The following PGGT1B variants were observed in gnomAD, a reference collection of about 807,000 sequenced individuals.
The protein encoded by PGGT1B is geranylgeranyl transferase type-1 subunit beta.
Under a neutral mutation model 46.1 loss-of-function variants are expected in PGGT1B, and 30 were observed. The ratio of observed to expected loss-of-function variants is 0.65; its 90% CI spans 0.49 to 0.88. The LOEUF is 0.88. PGGT1B is among the 40% of genes least tolerant of loss of function. The probability of loss-of-function intolerance (pLI) is 0.00; values close to 1 mark genes in which losing one functional copy is unlikely to be tolerated. For missense variants in PGGT1B, 376 were observed against 455.9 expected, an observed-to-expected ratio of 0.82 and a Z score of 1.60; for synonymous variants, 170 against 160.0, an observed-to-expected ratio of 1.06 and a Z score of -0.47.
rs72813818 is a variant in PGGT1B, at chr5:115,211,909, T to A, written c.*493A>T. 6.5e-6 allele frequency: 1 copy of A among 154,470 alleles called. No homozygotes were observed. Among genetic ancestry groups the A allele is most frequent in the Non-Finnish European group, 1.4e-5 (1 of 69,270 alleles). The allele number at this position is 154,470 out of a possible 1,614,324, so 9.6% of individuals were successfully genotyped here. A position where few individuals can be genotyped will look rare whatever the true frequency, so the allele number is the denominator to read the frequency against. On this transcript the variant is annotated 3_prime_UTR_variant, in exon 9 of 9. Coordinates refer to ENST00000419445, the MANE Select transcript of PGGT1B (RefSeq NM_005023.4). The stretch of plus-strand genomic sequence containing the variant: ...AGAATAAGACAAAATAAGTCACTCT[T>A]CTTTAAAAAAAATTATGGTCATCTG...
rs1038177104 is a variant in PGGT1B at position 115,208,553 on chromosome 5, G to C, written c.*3849C>G. ...AATAGTCAATTTAAACAAATTTCCT[G>C]TTTTACTATTTCCCCCTTGTCATTT... On this transcript the variant is annotated 3_prime_UTR_variant, in exon 9 of 9. Coordinates refer to ENST00000419445, the MANE Select transcript of PGGT1B (RefSeq NM_005023.4). The C allele has an allele frequency of 7.2e-5, 11 of 151,938 alleles. No individual in the cohort carries two copies. Among genetic ancestry groups the C allele is most frequent in the African/African-American group, 2.7e-4 (11 of 41,402 alleles). 9.4% of individuals were successfully genotyped at this position (151,938 alleles called of 1,614,324 possible). A position where few individuals can be genotyped will look rare whatever the true frequency, so the allele number is the denominator to read the frequency against.
intron 7 of PGGT1B, 100 bp downstream of exon 7, chr5:115,221,724 A>T (rs1756595630): frequency 1.6e-6 from 1 of 643,260 alleles, no homozygotes; most frequent in Non-Finnish European, 2.5e-6. Flanking sequence ...AGTAGCCTAA[A>T]CCTAACAATA....
At chr5:115,242,736 G>T (rs1281298949) in intron 2 of PGGT1B, among the ~76,000 whole-genome samples, 4 of 152,176 alleles carry the variant, frequency 2.6e-5, no homozygotes. Flanking sequence ...GGAGGCAGAG[G>T]AGGGCGGATC....
In PGGT1B at chr5:115,209,048, T is replaced by C. The variant is rs1756144689; in HGVS notation, c.*3354A>G. On this transcript the variant is annotated 3_prime_UTR_variant, in exon 9 of 9. Coordinates refer to ENST00000419445, the MANE Select transcript of PGGT1B (RefSeq NM_005023.4). ...ACTGAAATGAGTTTTTCTGTACTTT[T>C]AGGAGGAAGGAGTGGCTCTAGGATG... The C allele has an allele frequency of 6.6e-6, 1 of 152,000 alleles. No individual in the cohort carries two copies. Among genetic ancestry groups the C allele is most frequent in the African/African-American group, 2.4e-5 (1 of 41,396 alleles). The allele number at this position is 152,000 out of a possible 1,614,324, so 9.4% of individuals were successfully genotyped here.
chr5:115,216,654 A>AT (rs1756428038), intron 8 of PGGT1B, among the ~76,000 whole-genome samples: 1 of 152,184 alleles, frequency 6.6e-6, no homozygotes, highest in African/African-American at 2.4e-5. Context: ...AATGCACACT[A>AT]TTCCCATGCA....
chr5:115,220,787 T>C (rs905589572), intron 7 of PGGT1B, among the ~76,000 whole-genome samples: 1 of 151,922 alleles, frequency 6.6e-6, no homozygotes, highest in African/African-American at 2.4e-5. Context: ...GTTCTGTTTT[T>C]TTTAAAAAGT....
intron 5 of PGGT1B, among the ~76,000 whole-genome samples, chr5:115,234,927 G>A (rs1757129025): frequency 6.6e-6 from 1 of 151,986 alleles, no homozygotes. Flanking sequence ...CTCTGCCCGA[G>A]AAAAGGCCTA....
At chr5:115,242,964 T>A (rs1351814417) in intron 2 of PGGT1B, among the ~76,000 whole-genome samples, 1 of 125,602 alleles carries the variant, frequency 8.0e-6, no homozygotes, top group African/African-American at 2.7e-5. Context: ...CAAACTGTCT[T>A]GAAAAAAAAA....
intron 4 of PGGT1B, 102 bp from the exon 5 acceptor site, chr5:115,236,624 A>C: frequency 1.6e-6 from 1 of 613,036 alleles, no homozygotes; most frequent in South Asian, 3.2e-5. Context: ...TAACAGAAAA[A>C]TCTGTTGATT....
At chr5:115,249,551 A>G (rs1747997093) in intron 2 of PGGT1B, among the ~76,000 whole-genome samples, 1 of 152,122 alleles carries the variant, frequency 6.6e-6, no homozygotes, top group Non-Finnish European at 1.5e-5. Context: ...GAGTCAGGGT[A>G]GATCAGAATG....
chr5:115,255,814 T>C (rs552001038), intron 1 of PGGT1B, among the ~76,000 whole-genome samples: 7 of 152,288 alleles, frequency 4.6e-5, no homozygotes, highest in Admixed American at 3.9e-4. Flanking sequence ...AGTAATTTAC[T>C]TGAAATTTCA....
At chr5:115,245,083 C>G (rs1274038798) in intron 2 of PGGT1B, among the ~76,000 whole-genome samples, 2 of 151,982 alleles carry the variant, frequency 1.3e-5, no homozygotes, top group Admixed American at 6.6e-5. Context: ...AAATGTGATC[C>G]CATTTCTACT....
At chr5:115,221,610 T>G (rs912245129) in intron 7 of PGGT1B, among the ~76,000 whole-genome samples, 4 of 152,022 alleles carry the variant, frequency 2.6e-5, no homozygotes, top group Non-Finnish European at 4.4e-5. Flanking sequence ...TCTGGGTTAC[T>G]TGAGTTTTCC....
rs1237152138 is a variant in PGGT1B, at chr5:115,211,390, G to A, written c.*1012C>T. The A allele has an allele frequency of 1.3e-5, 2 of 151,800 alleles. No homozygotes were observed. Among genetic ancestry groups the A allele is most frequent in the African/African-American group, 4.8e-5 (2 of 41,342 alleles). The allele number at this position is 151,800 out of a possible 1,614,324, so 9.4% of individuals were successfully genotyped here. ...AAAATATGAGAATAAAAATGACCAT[G>A]TATTGAGTTACACCACTGAATCTGT... On this transcript the variant is annotated 3_prime_UTR_variant, in exon 9 of 9. Transcript: ENST00000419445.
chr5:115,217,657 T>C (rs1193042421), intron 7 of PGGT1B, among the ~76,000 whole-genome samples: 2 of 152,012 alleles, frequency 1.3e-5, no homozygotes, highest in African/African-American at 4.8e-5. Context: ...AGCAATTTAA[T>C]ATATGTTAAT....
At chr5:115,241,372 G>T (rs1189547775) in intron 3 of PGGT1B, among the ~76,000 whole-genome samples, 167 bp downstream of exon 3, 4 of 152,108 alleles carry the variant, frequency 2.6e-5, no homozygotes, top group Admixed American at 2.6e-4. Context: ...AGTAGGTATA[G>T]GTTTCCTTTA....
At chr5:115,224,025 A>G (rs1402179380) in intron 6 of PGGT1B, among the ~76,000 whole-genome samples, 2 of 152,222 alleles carry the variant, frequency 1.3e-5, no homozygotes, top group African/African-American at 2.4e-5. Context: ...TAGTTATCAT[A>G]TTAGAAGTGT....
At chr5:115,237,211 C>T (rs1757210141) in intron 4 of PGGT1B, among the ~76,000 whole-genome samples, 1 of 152,148 alleles carries the variant, frequency 6.6e-6, no homozygotes, top group South Asian at 2.1e-4. Flanking sequence ...GTTTTGAAAA[C>T]ACTGACGGGA....
chr5:115,260,546 G>A lies in PGGT1B; in HGVS notation c.140+2166C>T, dbSNP rs545719678. Among the ~76,000 whole-genome samples the A allele has an allele frequency of 1.6e-4, 24 of 152,156 alleles. No individual in the cohort carries two copies. In the East Asian group the frequency reaches 2.7e-3, roughly 17 times the overall value. The stretch of plus-strand genomic sequence containing the variant: ...TCACAAGCATTTTAAAGTCAGTTAT[G>A]AATCACATGCACCACAAAAGAACTT... On this transcript the variant is annotated intron_variant, in intron 1 of 8. Transcript: ENST00000419445.
Sources: allele counts gnomAD v4.1 joint callset (sites outside exome capture counted in the v4.1 genomes callset), GRCh38; gene constraint gnomAD v4.1.1; transcripts MANE v1.5; gene names NCBI Gene and HGNC (gene_info 2026-07-23, HGNC 2026-07-21).